AGXT2: variants seen among roughly 807,000 people sequenced by gnomAD.
AGXT2 encodes alanine--glyoxylate aminotransferase 2.
In AGXT2, 61 loss-of-function variants were observed where a neutral mutation model predicts 62.5. That is an observed-to-expected ratio of 0.98 (90% CI 0.79 to 1.21). AGXT2 has a LOEUF of 1.21. Among genes scored for constraint, AGXT2 ranks in the 50% most tolerant of loss-of-function variants. The pLI, the probability that AGXT2 is intolerant of heterozygous loss-of-function variation, is 0.00. For missense variants in AGXT2, 666 were observed against 641.5 expected, an observed-to-expected ratio of 1.04 and a Z score of -0.41; for synonymous variants, 243 against 218.7, an observed-to-expected ratio of 1.11 and a Z score of -0.98.
chr5:35,013,961 A>G, intron 10 of AGXT2, 26 bp downstream of exon 10: 1 of 1,613,892 alleles, frequency 6.2e-7, no homozygotes, highest in Non-Finnish European at 8.5e-7. Context: ...GCCCAGAAGC[A>G]AACACAAACT....
chr5:35,033,666 C>T, intron 5 of AGXT2, 113 bp from the exon 6 acceptor site: 1 of 786,388 alleles, frequency 1.3e-6, no homozygotes, highest in Non-Finnish European at 2.2e-6. Flanking sequence ...TTCGCATTCA[C>T]CTCTGATTTC....
At chr5:35,022,998 T>A (rs1767171052) in intron 9 of AGXT2, among the ~76,000 whole-genome samples, 1 of 151,260 alleles carries the variant, frequency 6.6e-6, no homozygotes, top group Non-Finnish European at 1.5e-5. Context: ...AATGTTTGTC[T>A]TCTGCAAATT....
chr5:34,998,594 T>G lies in AGXT2; in HGVS notation c.*125A>C, dbSNP rs114952168. The G allele has an allele frequency of 2.8e-3, 2,132 of 767,486 alleles. 31 individuals carry two copies. In the African/African-American group the frequency reaches 0.034, roughly 12 times the overall value. 47.5% of individuals were successfully genotyped at this position (767,486 alleles called of 1,614,324 possible). On this transcript the variant is annotated 3_prime_UTR_variant, in exon 14 of 14. Transcript: ENST00000231420. Reference sequence around the variant, plus strand: ...GTTGGTAGGCAGTCAACCATGACTTTTACAGCTCCTGTGGAGAGCTGCAGG... The same window carrying G: ...GTTGGTAGGCAGTCAACCATGACTTGTACAGCTCCTGTGGAGAGCTGCAGG...
chr5:35,015,632 C>T (rs1012858858), intron 9 of AGXT2, among the ~76,000 whole-genome samples: 3 of 151,890 alleles, frequency 2.0e-5, no homozygotes, highest in African/African-American at 7.3e-5. Context: ...GGTGGATCAC[C>T]TGAGGTCCGG....
chr5:35,047,589 G>T (rs537007753), intron 1 of AGXT2, among the ~76,000 whole-genome samples: 1 of 151,856 alleles, frequency 6.6e-6, no homozygotes, highest in Non-Finnish European at 1.5e-5. Flanking sequence ...CATTATCCAC[G>T]AATTTCATTT....
chr5:35,022,098 A>G (rs1458134799), intron 9 of AGXT2, among the ~76,000 whole-genome samples: 2 of 152,068 alleles, frequency 1.3e-5, no homozygotes, highest in Non-Finnish European at 2.9e-5. Context: ...GGATGTGGAG[A>G]AATAGGAACA....
chr5:35,029,872 T>C (rs344505), intron 7 of AGXT2, among the ~76,000 whole-genome samples: 142,716 of 152,148 alleles, frequency 0.94, 67,396 homozygotes, highest in Non-Finnish European at 1. Flanking sequence ...AAATATACCA[T>C]ATAAACATCT....
At position 35,031,961 on chromosome 5, in the gene AGXT2, T is replaced by A. The variant is rs1156302220; in HGVS notation, c.769+771A>T. On this transcript the variant is annotated intron_variant, in intron 7 of 13. Coordinates refer to ENST00000231420, the MANE Select transcript of AGXT2 (RefSeq NM_031900.4). ...GATCTTGCTTTTTTTTTTTTTTTTT[T>A]TTTTTTTTTGAGATGGAGTCTTGTT... Among the ~76,000 whole-genome samples, 116 of 147,842 alleles carry A rather than the reference T, an allele frequency of 7.8e-4. 1 individual carries two copies. Among genetic ancestry groups the A allele is most frequent in the East Asian group, 2.7e-3 (14 of 5,096 alleles).
rs573226681 is a variant in AGXT2 at position 35,003,872 on chromosome 5, A to G, written c.1339-11T>C. ...AGGCCGACAGCTTATCTGTAAATAT[A>G]TTTTTAAAATTCTTTCTATTTGGTG... On this transcript the variant is annotated splice_polypyrimidine_tract_variant and intron_variant, in intron 12 of 13. Coordinates refer to ENST00000231420, the MANE Select transcript of AGXT2 (RefSeq NM_031900.4). 9.3e-6 allele frequency: 15 copies of G among 1,611,400 alleles called. No homozygotes were observed. In the South Asian group the frequency reaches 1.5e-4, roughly 17 times the overall value.
chr5:35,010,076 A>G lies in AGXT2; in HGVS notation c.1262T>C (p.Leu421Pro). 6.2e-7 allele frequency: 1 copy of G among 1,614,196 alleles called. No homozygotes were observed. Among genetic ancestry groups the G allele is most frequent in the Non-Finnish European group, 8.5e-7 (1 of 1,180,028 alleles). ...GTYMLLKFAK[L>P]RDEFEIVGDV... ...TCCAACAATTTCAAATTCATCCCGC[A>G]GCTTAGCAAACTTTAGTAACATGTA... Residue 421 changes from leucine to proline, a missense_variant, in exon 12 of 14, where the codon CTG becomes CCG. Physicochemically the swap from Leu to Pro is moderately conservative, Grantham distance 98. Coordinates refer to ENST00000231420, the MANE Select transcript of AGXT2 (RefSeq NM_031900.4).
intron 9 of AGXT2, 25 bp from the exon 10 acceptor site, chr5:35,014,144 T>G (rs546297610): frequency 3.7e-6 from 6 of 1,613,746 alleles, no homozygotes; most frequent in East Asian, 2.2e-5. Flanking sequence ...TCAAAACCAT[T>G]GGAAACCCTT....
At chr5:35,019,468 A>G (rs2112220609) in intron 9 of AGXT2, among the ~76,000 whole-genome samples, 1 of 151,854 alleles carries the variant, frequency 6.6e-6, no homozygotes, top group African/African-American at 2.4e-5. Flanking sequence ...CTGCTCCTGA[A>G]TGACTACTGG....
At chr5:35,026,594 GAA>G (rs61293163) in intron 7 of AGXT2, 84 bp from the exon 8 acceptor site, 100 of 901,628 alleles carry the variant, frequency 1.1e-4, no homozygotes, top group Non-Finnish European at 1.4e-4. Context: ...GGAAAAACAG[GAA>G]AAAAAAAAAA....
chr5:35,041,223 C>CAAAAAAAAAAA lies in AGXT2; in HGVS notation c.89-571_89-561dup, dbSNP rs3034208. On this transcript the variant is annotated intron_variant, in intron 1 of 13. Transcript: ENST00000231420. ...CCCAGAAGACAAAACCTCCCCCCGC[C>CAAAAAAAAAAA]AAAAAAAAAAAAAAAAAAAGGCTGC... 3.6e-3 allele frequency among the ~76,000 whole-genome samples: 187 copies of CAAAAAAAAAAA among 51,296 alleles called. 12 individuals carry two copies. The highest frequency in any genetic ancestry group is 4.7e-3 in the African/African-American group (52 of 11,102). 33.7% of individuals were successfully genotyped at this position (51,296 alleles called of 152,430 possible). A position where few individuals can be genotyped will look rare whatever the true frequency, so the allele number is the denominator to read the frequency against.
At chr5:35,047,061 C>T (rs1768245820) in intron 1 of AGXT2, among the ~76,000 whole-genome samples, 1 of 152,166 alleles carries the variant, frequency 6.6e-6, no homozygotes, top group South Asian at 2.1e-4. Context: ...CTGGGTGAAT[C>T]ACAGCACTTG....
intron 7 of AGXT2, among the ~76,000 whole-genome samples, chr5:35,032,493 T>C (rs1359097903): frequency 6.6e-6 from 1 of 152,220 alleles, no homozygotes. Context: ...TGAGCTTGGC[T>C]CTGATAGCGT....
intron 5 of AGXT2, 23 bp from the exon 6 acceptor site, chr5:35,033,576 G>A (rs754927900): frequency 6.3e-7 from 1 of 1,592,454 alleles, no homozygotes; most frequent in South Asian, 1.1e-5. Context: ...AACAACAGGA[G>A]GATGGGGTCA....
intron 11 of AGXT2, among the ~76,000 whole-genome samples, chr5:35,011,913 TATACACACAC>T (rs1766656016): frequency 8.6e-6 from 1 of 116,786 alleles, no homozygotes. Context: ...AAATGTGGTG[TATACACACAC>T]ACACACACAC....
chr5:35,037,500 TTCCCTCCC>T (rs1767822770), intron 3 of AGXT2, among the ~76,000 whole-genome samples: 1 of 151,932 alleles, frequency 6.6e-6, no homozygotes, highest in East Asian at 1.9e-4. Context: ...TCAGTAGTTC[TTCCCTCCC>T]TCCCTCCCTT....
Sources: allele counts gnomAD v4.1 joint callset (sites outside exome capture counted in the v4.1 genomes callset), GRCh38; gene constraint gnomAD v4.1.1; transcripts MANE v1.5; gene names NCBI Gene and HGNC (gene_info 2026-07-23, HGNC 2026-07-21).